Variants in RANBP2 observed in about 807,000 individuals in gnomAD.
RANBP2 encodes E3 SUMO-protein ligase RanBP2.
Under a neutral mutation model 303.6 loss-of-function variants are expected in RANBP2, and 57 were observed. The observed-to-expected ratio is 0.19, with a 90% CI of 0.15 to 0.23. The LOEUF (loss-of-function observed/expected upper bound fraction) is 0.23, where lower values mean the gene tolerates loss of function less well. RANBP2 is among the 10% of genes least tolerant of loss of function. The pLI, the probability that RANBP2 is intolerant of heterozygous loss-of-function variation, is 1.00. For synonymous variants in RANBP2, 1,167 were observed against 1,301.5 expected (o/e 0.90, Z 2.23); for missense variants, 3,138 against 3,780.8 (o/e 0.83, Z 4.46).
At chr2:109,361,831 C>G in the RANBP2 span, among the ~76,000 whole-genome samples, 5 of 152,100 alleles carry the variant, frequency 3.3e-5, no homozygotes, top group African/African-American at 9.7e-5. Flanking sequence ...AGGAATTGTT[C>G]CATTTCATCT....
At chr2:108,818,178 C>T in the RANBP2 span, among the ~76,000 whole-genome samples, 21 of 152,164 alleles carry the variant, frequency 1.4e-4, no homozygotes, top group African/African-American at 3.1e-4. Flanking sequence ...TGGTGGCACG[C>T]GCCTATAACC....
At chr2:109,522,812 C>T in the RANBP2 span, among the ~76,000 whole-genome samples, 4 of 152,184 alleles carry the variant, frequency 2.6e-5, no homozygotes, top group South Asian at 4.1e-4. Flanking sequence ...AAATGCAACA[C>T]GCAATCAGCA....
chr2:109,360,432 T>G, the RANBP2 span, among the ~76,000 whole-genome samples: 1 of 152,182 alleles, frequency 6.6e-6, no homozygotes, highest in African/African-American at 2.4e-5. Flanking sequence ...ATGCACAAAA[T>G]TATTAAAATG....
chr2:109,505,573 G>A, the RANBP2 span, among the ~76,000 whole-genome samples: 1,329 of 152,286 alleles, frequency 8.7e-3, 25 homozygotes, highest in African/African-American at 0.03. Flanking sequence ...CAGTCACTGG[G>A]GAGGTAGCTG....
At chr2:109,465,446 G>A in the RANBP2 span, among the ~76,000 whole-genome samples, 1 of 152,290 alleles carries the variant, frequency 6.6e-6, no homozygotes, top group South Asian at 2.1e-4. Flanking sequence ...TTTCCTACCA[G>A]CAATGAATGA....
Position 108,765,833 on chromosome 2 carries a change from C to T in RANBP2, c.5294C>T (p.Ser1765Leu), listed in dbSNP as rs367858316. The T allele has an allele frequency of 1.7e-5, 28 of 1,613,970 alleles. No individual in the cohort carries two copies. The highest frequency in any genetic ancestry group is 1.2e-4 in the African/African-American group (9 of 74,912). ...QTTAISTPAS[S>L]EISKAPKSGF... The stretch of plus-strand genomic sequence containing the variant: ...ACTGCAATTTCAACACCTGCCTCTT[C>T]GGAGATAAGCAAGGCTCCAAAGAGT... Residue 1765 changes from serine (S) to leucine (L), a missense_variant, in exon 20 of 29, where the codon TCG becomes TTG. This residue lies in a region of RANBP2 where 348 missense variants were observed against 360.4 expected (regional missense o/e 0.97). Transcript: ENST00000283195.
Position 108,784,197 on chromosome 2 carries a change from G to T in RANBP2, c.*296G>T, listed in dbSNP as rs1333691478. ...AGCAATAGACCTCAAACTATTGAAGGAATATGATATATGCAATTTAATTTT... is the reference window on the plus strand; with the variant it reads ...AGCAATAGACCTCAAACTATTGAAGTAATATGATATATGCAATTTAATTTT... On this transcript the variant is annotated 3_prime_UTR_variant, in exon 29 of 29. Coordinates refer to ENST00000283195, the MANE Select transcript of RANBP2 (RefSeq NM_006267.5). The T allele has an allele frequency of 7.1e-6, 2 of 283,388 alleles. No individual in the cohort carries two copies. The highest frequency in any genetic ancestry group is 1.3e-5 in the Non-Finnish European group (2 of 149,908). 17.6% of individuals were successfully genotyped at this position (283,388 alleles called of 1,614,324 possible). A position where few individuals can be genotyped will look rare whatever the true frequency, so the allele number is the denominator to read the frequency against.
At chr2:109,358,528 C>T in the RANBP2 span, among the ~76,000 whole-genome samples, 3 of 152,168 alleles carry the variant, frequency 2.0e-5, no homozygotes, top group East Asian at 1.9e-4. Context: ...CGTGAATGAG[C>T]GTTCCTGTTG....
the RANBP2 span, among the ~76,000 whole-genome samples, chr2:109,600,879 T>C: frequency 6.6e-6 from 1 of 152,214 alleles, no homozygotes; most frequent in African/African-American, 2.4e-5. Flanking sequence ...ATTTGCTCCA[T>C]TTACCAGTTT....
the RANBP2 span, among the ~76,000 whole-genome samples, chr2:109,679,876 A>C: frequency 2.0e-5 from 3 of 152,150 alleles, no homozygotes; most frequent in African/African-American, 7.2e-5. Flanking sequence ...CCAGCTGGAG[A>C]AATCAGTGGC....
At chr2:108,897,058 T>C in the RANBP2 span, 1 of 1,614,174 alleles carries the variant, frequency 6.2e-7, no homozygotes, top group East Asian at 2.2e-5. Context: ...GCTGATGCGG[T>C]CAAAGAGTTG....
At chr2:108,822,164 T>C in the RANBP2 span, among the ~76,000 whole-genome samples, 1 of 152,044 alleles carries the variant, frequency 6.6e-6, no homozygotes, top group Non-Finnish European at 1.5e-5. Flanking sequence ...GTAGTAATAC[T>C]AATATAAGAC....
chr2:109,629,241 G>A, the RANBP2 span, among the ~76,000 whole-genome samples: 1 of 33,394 alleles, frequency 3.0e-5, no homozygotes, highest in African/African-American at 1.2e-4. Context: ...TAAATAAAAT[G>A]CTTAACTAAC....
chr2:109,766,335 GC>G, the RANBP2 span, among the ~76,000 whole-genome samples: 1 of 150,772 alleles, frequency 6.6e-6, no homozygotes, highest in African/African-American at 2.4e-5. Context: ...GAGGAGCTCA[GC>G]CCTTGTGTGG....
the RANBP2 span, among the ~76,000 whole-genome samples, chr2:109,073,437 G>A: frequency 2.0e-5 from 3 of 152,104 alleles, no homozygotes; most frequent in African/African-American, 7.2e-5. Context: ...GGGAGGCTGA[G>A]GTGGGTGGAT....
At chr2:109,300,025 A>C in the RANBP2 span, among the ~76,000 whole-genome samples, 2 of 152,320 alleles carry the variant, frequency 1.3e-5, no homozygotes, top group South Asian at 4.1e-4. Flanking sequence ...AAGGCACTGC[A>C]CAGTGCCCAG....
At chr2:109,486,252 T>C in the RANBP2 span, among the ~76,000 whole-genome samples, 1 of 152,198 alleles carries the variant, frequency 6.6e-6, no homozygotes, top group Admixed American at 6.5e-5. Flanking sequence ...CATTTTTTGG[T>C]CCTCATTTCA....
the RANBP2 span, among the ~76,000 whole-genome samples, chr2:109,455,485 C>T: frequency 6.6e-6 from 1 of 152,056 alleles, no homozygotes. Context: ...CACATGTGTG[C>T]ACCCACCCAT....
chr2:108,911,061 G>C, the RANBP2 span: 1 of 1,614,158 alleles, frequency 6.2e-7, no homozygotes, highest in South Asian at 1.1e-5. Flanking sequence ...AGGTGTCCTT[G>C]GCCTGAGAGT....
Sources: allele counts gnomAD v4.1 joint callset (sites outside exome capture counted in the v4.1 genomes callset), GRCh38; gene constraint gnomAD v4.1.1; regional missense constraint gnomAD v4.1.1; transcripts MANE v1.5; gene names NCBI Gene and HGNC (gene_info 2026-07-23, HGNC 2026-07-21).